Variants in FAM120B observed in about 807,000 individuals in gnomAD.
The protein encoded by FAM120B is constitutive coactivator of peroxisome proliferator-activated receptor gamma.
A neutral mutation model predicts 96.3 loss-of-function variants in FAM120B; 83 were observed. That is an observed-to-expected ratio of 0.86 (90% CI 0.72 to 1.03). The LOEUF is 1.03. Ranked by LOEUF, FAM120B falls within the 50% of genes least tolerant of loss-of-function variation. The probability of loss-of-function intolerance (pLI) is 0.00; values close to 1 mark genes in which losing one functional copy is unlikely to be tolerated. For missense variants in FAM120B, 1,027 were observed against 1,121.2 expected (o/e 0.92, Z 1.20); for synonymous variants, 407 against 402.7 (o/e 1.01, Z -0.13).
At position 170,399,639 on chromosome 6, in the gene FAM120B, G is replaced by A. The variant is rs77164193; in HGVS notation, c.2692+4060G>A. Among the ~76,000 whole-genome samples the A allele has an allele frequency of 2.2e-4, 30 of 137,370 alleles. No individual in the cohort carries two copies. In the South Asian group the frequency reaches 3.7e-3, roughly 17 times the overall value. The allele number at this position is 137,370 out of a possible 152,430, so 90.1% of individuals were successfully genotyped here. A position where few individuals can be genotyped will look rare whatever the true frequency, so the allele number is the denominator to read the frequency against. ...ATGTCATAAGCCTTAGGAGTGAGTG[G>A]GGAAGGTAGAACTATGTCATAACTT... On this transcript the variant is annotated intron_variant, in intron 9 of 10. Transcript: ENST00000476287.
rs779003939 is a variant in FAM120B, at chr6:170,318,718, C to A, written c.1328C>A (p.Ser443Tyr). 6.3e-7 allele frequency: 1 copy of A among 1,594,768 alleles called. No individual in the cohort carries two copies. The highest frequency in any genetic ancestry group is 2.4e-5 in the East Asian group (1 of 42,198). Residue 443 changes from serine (S) to tyrosine (Y), a missense_variant, in exon 2 of 11, where the codon TCT becomes TAT. Ser to Tyr is a moderately radical substitution (Grantham distance 144, BLOSUM62 -2). Transcript: ENST00000476287. ...PRQEVPMYTD[S>Y]EPRQEVPMYT... ...CAAGAAGTTCCCATGTATACAGACT[C>A]TGAACCCAGGCAAGAAGTTCCCATG...
Position 170,318,346 on chromosome 6 carries a change from A to G in FAM120B, c.956A>G (p.Lys319Arg). 1 of 1,614,234 alleles carries G rather than the reference A, an allele frequency of 6.2e-7. No homozygotes were observed. Among genetic ancestry groups the G allele is most frequent in the Non-Finnish European group, 8.5e-7 (1 of 1,180,050 alleles). Reference protein sequence around the residue: ...QKSPWFFQKPKGVITLDKQVI... With the variant: ...QKSPWFFQKPRGVITLDKQVI... ...TCTCCATGGTTTTTCCAAAAACCCA[A>G]AGGTGTAATAACTTTGGACAAACAA... Residue 319 changes from lysine to arginine, a missense_variant, in exon 2 of 11, where the codon AAA becomes AGA. Lys to Arg is a conservative substitution (Grantham distance 26, BLOSUM62 2). Transcript: ENST00000476287.
chr6:170,345,295 C>T (rs1413760308), intron 4 of FAM120B, among the ~76,000 whole-genome samples: 1 of 152,178 alleles, frequency 6.6e-6, no homozygotes, highest in Non-Finnish European at 1.5e-5. Context: ...TTGTTTGTTA[C>T]TCTCTTTGAC....
chr6:170,338,909 T>C (rs1270961033), intron 4 of FAM120B, among the ~76,000 whole-genome samples: 1 of 143,988 alleles, frequency 6.9e-6, no homozygotes, highest in Non-Finnish European at 1.5e-5. Context: ...ATTTTAAGCC[T>C]ATGTGTGTCT....
At chr6:170,367,153 G>A (rs1044655599) in intron 6 of FAM120B, among the ~76,000 whole-genome samples, 6 of 152,156 alleles carry the variant, frequency 3.9e-5, no homozygotes, top group African/African-American at 1.4e-4. Context: ...ATAATTCTAT[G>A]CCATTGAATC....
intron 6 of FAM120B, among the ~76,000 whole-genome samples, chr6:170,374,974 G>C (rs1789421042): frequency 6.6e-6 from 1 of 152,242 alleles, no homozygotes; most frequent in East Asian, 1.9e-4. Context: ...TCAGCTGTTG[G>C]TGACTGAGCT....
At chr6:170,298,192 G>A (rs948984680) in intron 1 of FAM120B, 2 of 152,136 alleles carry the variant, frequency 1.3e-5, no homozygotes, top group Admixed American at 1.3e-4. Context: ...TTCTGCATTT[G>A]GCTGCTAGGA....
intron 4 of FAM120B, among the ~76,000 whole-genome samples, chr6:170,344,363 A>G (rs1343124913): frequency 5.4e-5 from 6 of 111,826 alleles, no homozygotes; most frequent in Admixed American, 5.3e-4. Flanking sequence ...CGTTCAGTCC[A>G]TTCACCTGCA....
At chr6:170,296,364 C>A (rs1285094149) in intron 1 of FAM120B, among the ~76,000 whole-genome samples, 1 of 152,072 alleles carries the variant, frequency 6.6e-6, no homozygotes, top group African/African-American at 2.4e-5. Context: ...GGCAGCATTA[C>A]GAGGGGCACC....
rs1562566975 is a variant in FAM120B at position 170,361,220 on chromosome 6, A to ATATATATATACG, written c.2283+2912_2283+2913insCGTATATATATA. Among the ~76,000 whole-genome samples the ATATATATATACG allele has an allele frequency of 1.1e-3, 122 of 109,994 alleles. 8 individuals carry two copies. The East Asian group carries it at 0.047, about 43-fold the overall frequency. The allele number at this position is 109,994 out of a possible 152,430, so 72.2% of individuals were successfully genotyped here. A position where few individuals can be genotyped will look rare whatever the true frequency, so the allele number is the denominator to read the frequency against. On this transcript the variant is annotated intron_variant, in intron 6 of 10. Transcript: ENST00000476287. ...CGTGTATATATATATATATATATATATATATATATATATATACACGTATAT... is the reference window on the plus strand; with the variant it reads ...CGTGTATATATATATATATATATATATATATATATACGTATATATATATATATACACGTATAT...
intron 6 of FAM120B, among the ~76,000 whole-genome samples, chr6:170,366,131 C>T (rs746716674): frequency 1.3e-5 from 2 of 152,190 alleles, no homozygotes; most frequent in Admixed American, 6.5e-5. Flanking sequence ...CATCCAGACT[C>T]TCAAGATATA....
chr6:170,345,257 T>C (rs1172491238), intron 4 of FAM120B, among the ~76,000 whole-genome samples: 2 of 152,176 alleles, frequency 1.3e-5, no homozygotes, highest in Admixed American at 6.5e-5. Context: ...GTCTCTTCCA[T>C]GAAAATTTAT....
At chr6:170,340,118 C>T (rs1000555995) in intron 4 of FAM120B, among the ~76,000 whole-genome samples, 1 of 152,112 alleles carries the variant, frequency 6.6e-6, no homozygotes, top group Admixed American at 6.6e-5. Flanking sequence ...CATCTCTTTC[C>T]GGTACACCAG....
chr6:170,348,027 T>C, intron 4 of FAM120B, 124 bp from the exon 5 acceptor site: 1 of 776,048 alleles, frequency 1.3e-6, no homozygotes, highest in Non-Finnish European at 2.0e-6. Context: ...TCATGTTTAC[T>C]TTCTAGTTCC....
intron 1 of FAM120B, among the ~76,000 whole-genome samples, chr6:170,311,554 G>A (rs1201084806): frequency 6.6e-6 from 1 of 152,284 alleles, no homozygotes; most frequent in East Asian, 1.9e-4. Flanking sequence ...CTGTCTTCAG[G>A]CCTTGCCTTG....
rs539799234 is a variant in FAM120B at position 170,388,271 on chromosome 6, G to A, written c.2284-16G>A. ...CTCCTGTCTTACATTTTTGGTGTGT[G>A]TTCTGGTCTCCACAGCCTGATTACA... On this transcript the variant is annotated splice_polypyrimidine_tract_variant and intron_variant, in intron 6 of 10. Coordinates refer to ENST00000476287, the MANE Select transcript of FAM120B (RefSeq NM_032448.3). The A allele has an allele frequency of 2.5e-6, 4 of 1,611,978 alleles. No homozygotes were observed. The African/African-American group carries it at 5.3e-5, about 21-fold the overall frequency.
At chr6:170,391,391 C>T (rs565929259) in intron 8 of FAM120B, among the ~76,000 whole-genome samples, 138 of 152,176 alleles carry the variant, frequency 9.1e-4, no homozygotes, top group African/African-American at 2.9e-3. Flanking sequence ...AAAAATGAAC[C>T]GGGCGTGTTG....
At chr6:170,358,404 C>T in intron 6 of FAM120B, 86 bp downstream of exon 6, 1 of 945,496 alleles carries the variant, frequency 1.1e-6, no homozygotes, top group Non-Finnish European at 1.6e-6. Flanking sequence ...TGAAGTTTCA[C>T]AGAAAAGATC....
intron 6 of FAM120B, among the ~76,000 whole-genome samples, chr6:170,358,582 A>G (rs1360130216): frequency 6.6e-6 from 1 of 152,214 alleles, no homozygotes; most frequent in Non-Finnish European, 1.5e-5. Context: ...TGATTTGAAG[A>G]GAATAGGTTA....
Sources: gnomAD v4.1 joint callset for allele counts (sites outside exome capture counted in the v4.1 genomes callset) on GRCh38, gnomAD v4.1.1 for gene constraint, MANE v1.5 for transcripts, NCBI Gene and HGNC (gene_info 2026-07-23, HGNC 2026-07-21) for gene names.